FSTL4: variants seen among roughly 807,000 people sequenced by gnomAD.
FSTL4 encodes the protein follistatin-related protein 4.
FSTL4 carries 28 observed loss-of-function variants against 78.2 expected under a neutral mutation model. That is an observed-to-expected ratio of 0.36 (90% CI 0.27 to 0.49). The LOEUF (loss-of-function observed/expected upper bound fraction) is 0.49, where lower values mean the gene tolerates loss of function less well. Among genes scored for constraint, FSTL4 ranks in the 20% least tolerant of loss-of-function variants. The probability of loss-of-function intolerance (pLI) is 0.98; values close to 1 mark genes in which losing one functional copy is unlikely to be tolerated. For synonymous variants in FSTL4, 422 were observed against 440.5 expected, an observed-to-expected ratio of 0.96 and a Z score of 0.53; for missense variants, 922 against 1,084.9, an observed-to-expected ratio of 0.85 and a Z score of 2.11.
intron 3 of FSTL4, among the ~76,000 whole-genome samples, chr5:133,474,900 A>G (rs1194638941): frequency 1.3e-5 from 2 of 152,196 alleles, no homozygotes; most frequent in Non-Finnish European, 2.9e-5. Flanking sequence ...GGTGCTCCCA[A>G]CACCCATGGG....
At chr5:133,400,237 T>C (rs1379617563) in intron 4 of FSTL4, among the ~76,000 whole-genome samples, 1 of 152,212 alleles carries the variant, frequency 6.6e-6, no homozygotes, top group East Asian at 1.9e-4. Context: ...TCAGAGGTGT[T>C]CTGGACAGGC....
At chr5:133,337,143 C>T (rs1036222145) in intron 4 of FSTL4, among the ~76,000 whole-genome samples, 1 of 152,220 alleles carries the variant, frequency 6.6e-6, no homozygotes, top group African/African-American at 2.4e-5. Flanking sequence ...GGCCCAGAGC[C>T]CCCAACCTGC....
chr5:133,807,635 A>T, the FSTL4 span, among the ~76,000 whole-genome samples: 7 of 152,340 alleles, frequency 4.6e-5, 1 homozygote, highest in East Asian at 1.2e-3. Flanking sequence ...AGCTGTAGGT[A>T]TGTGGGCCGT....
intron 3 of FSTL4, among the ~76,000 whole-genome samples, chr5:133,428,409 G>C (rs1200665174): frequency 6.6e-6 from 1 of 152,182 alleles, no homozygotes; most frequent in African/African-American, 2.4e-5. Context: ...CATGGGTAGG[G>C]GCTGCCCAGG....
chr5:133,375,311 T>TATATAA (rs1298027325), intron 4 of FSTL4, among the ~76,000 whole-genome samples: 1 of 138,462 alleles, frequency 7.2e-6, no homozygotes, highest in Admixed American at 7.7e-5. Context: ...TATATATATA[T>TATATAA]AAAAGACTCT....
At chr5:133,703,597 C>A in the FSTL4 span, among the ~76,000 whole-genome samples, 1 of 152,148 alleles carries the variant, frequency 6.6e-6, no homozygotes, top group Admixed American at 6.5e-5. Flanking sequence ...GAGGGGCCAG[C>A]CAGGATGGAA....
chr5:133,313,560 C>A (rs2126889103), intron 5 of FSTL4, among the ~76,000 whole-genome samples: 1 of 152,090 alleles, frequency 6.6e-6, no homozygotes, highest in South Asian at 2.1e-4. Flanking sequence ...GTGCTCGGAA[C>A]TGAAGGTCTT....
chr5:133,763,211 G>A, the FSTL4 span, among the ~76,000 whole-genome samples: 1 of 152,210 alleles, frequency 6.6e-6, no homozygotes, highest in African/African-American at 2.4e-5. Context: ...CCTTGTAGGT[G>A]TGTCTAGAAC....
At position 133,233,551 on chromosome 5, in the gene FSTL4, A is replaced by C. The variant is rs907194089; in HGVS notation, c.895-14T>G. The C allele has an allele frequency of 2.5e-6, 4 of 1,589,084 alleles. No individual in the cohort carries two copies. The highest frequency in any genetic ancestry group is 3.4e-6 in the Non-Finnish European group (4 of 1,172,444). ...CTCTCCAAAGTCCTGCACAGGGCAA[A>C]GATGACGATGAGACTGGCCTCTTTA... On this transcript the variant is annotated splice_polypyrimidine_tract_variant and intron_variant, in intron 7 of 15. Coordinates refer to ENST00000265342, the MANE Select transcript of FSTL4 (RefSeq NM_015082.2).
chr5:133,538,493 C>T (rs1759401245), intron 3 of FSTL4, among the ~76,000 whole-genome samples: 2 of 151,928 alleles, frequency 1.3e-5, no homozygotes, highest in South Asian at 2.1e-4. Flanking sequence ...GAAACACTTG[C>T]AGAATATGTA....
At chr5:133,828,907 G>A in the FSTL4 span, among the ~76,000 whole-genome samples, 4 of 152,196 alleles carry the variant, frequency 2.6e-5, no homozygotes, top group East Asian at 1.9e-4. Flanking sequence ...CTCAATTTGC[G>A]TTGGCATAAT....
At chr5:133,699,839 C>T in the FSTL4 span, among the ~76,000 whole-genome samples, 1,075 of 143,716 alleles carry the variant, frequency 7.5e-3, 12 homozygotes, top group African/African-American at 0.027. Context: ...CGAGATAGCG[C>T]CACTGTAGTC....
At chr5:133,482,727 G>C (rs958808826) in intron 3 of FSTL4, among the ~76,000 whole-genome samples, 10 of 152,220 alleles carry the variant, frequency 6.6e-5, no homozygotes, top group Non-Finnish European at 1.3e-4. Flanking sequence ...GTATGCACGA[G>C]AGTGGGGATC....
At chr5:133,737,560 A>G in the FSTL4 span, among the ~76,000 whole-genome samples, 2 of 151,668 alleles carry the variant, frequency 1.3e-5, no homozygotes, top group Non-Finnish European at 2.9e-5. Context: ...CAGTGCTGCA[A>G]CAAACATAGG....
chr5:133,752,609 CAAATAAAATA>C, the FSTL4 span, among the ~76,000 whole-genome samples: 2 of 151,578 alleles, frequency 1.3e-5, no homozygotes, highest in East Asian at 1.9e-4. Context: ...GGCTCTGTCT[CAAATAAAATA>C]AAATAAAATT....
At chr5:133,678,900 G>A in the FSTL4 span, among the ~76,000 whole-genome samples, 6,817 of 152,170 alleles carry the variant, frequency 0.045, 209 homozygotes, top group Admixed American at 0.1. Context: ...GGGAGGGTGG[G>A]CGTGGCAGGA....
intron 12 of FSTL4, among the ~76,000 whole-genome samples, chr5:133,218,889 T>C (rs1287849003): frequency 6.6e-6 from 1 of 152,230 alleles, no homozygotes; most frequent in East Asian, 1.9e-4. Context: ...AGTAAGTTCC[T>C]TGAGGGCAGG....
At chr5:133,490,323 C>T (rs1758241540) in intron 3 of FSTL4, among the ~76,000 whole-genome samples, 2 of 151,910 alleles carry the variant, frequency 1.3e-5, no homozygotes, top group African/African-American at 4.8e-5. Context: ...GTCTCTGGCA[C>T]ATAAGCGTTT....
chr5:133,312,518 A>AAC, intron 6 of FSTL4, 136 bp downstream of exon 6: 1 of 735,236 alleles, frequency 1.4e-6, no homozygotes, highest in Non-Finnish European at 2.3e-6. Context: ...CTTGTTGCAG[A>AAC]ACAAATTCAC....
Sources: allele counts gnomAD v4.1 joint callset (sites outside exome capture counted in the v4.1 genomes callset), GRCh38; gene constraint gnomAD v4.1.1; transcripts MANE v1.5; gene names NCBI Gene and HGNC (gene_info 2026-07-23, HGNC 2026-07-21).